TRIO: variants seen among roughly 807,000 people sequenced by gnomAD.
TRIO encodes the protein triple functional domain protein.
A neutral mutation model predicts 351.9 loss-of-function variants in TRIO; 58 were observed. The ratio of observed to expected loss-of-function variants is 0.16; its 90% CI spans 0.13 to 0.21. The LOEUF is 0.21. TRIO is among the 10% of genes least tolerant of loss of function. The probability of loss-of-function intolerance (pLI) is 1.00; values close to 1 mark genes in which losing one functional copy is unlikely to be tolerated. For synonymous variants in TRIO, 1,758 were observed against 1,595.7 expected (o/e 1.10, Z -2.42); for missense variants, 3,201 against 4,027.8 (o/e 0.79, Z 5.56).
chr5:14,363,637 G>T, intron 13 of TRIO, 95 bp from the exon 14 acceptor site: 1 of 1,197,236 alleles, frequency 8.4e-7, no homozygotes, highest in Non-Finnish European at 1.2e-6. Context: ...TCTGTCCTTT[G>T]GCAGAGAGAC....
intron 4 of TRIO, 31 bp from the exon 5 acceptor site, chr5:14,290,685 T>C: frequency 1.3e-6 from 2 of 1,554,364 alleles, no homozygotes; most frequent in Non-Finnish European, 1.7e-6. Context: ...AATTGGTTCA[T>C]CTTCTCATAC....
chr5:14,173,109 G>A (rs1207258029), intron 1 of TRIO, among the ~76,000 whole-genome samples: 1 of 152,004 alleles, frequency 6.6e-6, no homozygotes, highest in Non-Finnish European at 1.5e-5. Flanking sequence ...GTGACGGTTG[G>A]GGTGGTCAGA....
intron 1 of TRIO, among the ~76,000 whole-genome samples, chr5:14,237,303 T>C (rs1352422083): frequency 1.3e-5 from 2 of 152,268 alleles, no homozygotes; most frequent in African/African-American, 2.4e-5. Context: ...TTTCAGACTT[T>C]GGAGCATTTT....
intron 1 of TRIO, 106 bp downstream of exon 1, chr5:14,143,988 T>C: frequency 2.3e-6 from 2 of 864,420 alleles, no homozygotes; most frequent in Non-Finnish European, 2.8e-6. Context: ...TGCCCGCCCG[T>C]CCGTCCGTCG....
chr5:14,416,273 C>T (rs1244740362), intron 33 of TRIO, among the ~76,000 whole-genome samples: 2 of 147,912 alleles, frequency 1.4e-5, no homozygotes, highest in Non-Finnish European at 1.5e-5. Flanking sequence ...ATAGTTATCA[C>T]AAGTCTTTTG....
intron 28 of TRIO, among the ~76,000 whole-genome samples, chr5:14,394,810 C>T (rs1579524744): frequency 6.6e-6 from 1 of 152,110 alleles, no homozygotes; most frequent in South Asian, 2.1e-4. Context: ...GTAAACAAAA[C>T]TTAGAATTTG....
At chr5:14,259,131 G>T (rs1339472172) in intron 1 of TRIO, among the ~76,000 whole-genome samples, 1 of 152,170 alleles carries the variant, frequency 6.6e-6, no homozygotes, top group Non-Finnish European at 1.5e-5. Flanking sequence ...CGCCTCCAGC[G>T]GTCACTTTCG....
At chr5:14,246,247 A>C (rs973132481) in intron 1 of TRIO, among the ~76,000 whole-genome samples, 1 of 152,246 alleles carries the variant, frequency 6.6e-6, no homozygotes, top group Non-Finnish European at 1.5e-5. Context: ...AATTTCTGCT[A>C]CTTCATTTTT....
chr5:14,490,744 T>G (rs189956106), intron 48 of TRIO: 3 of 453,856 alleles, frequency 6.6e-6, no homozygotes, highest in Admixed American at 4.7e-5. Context: ...ATACTAATAG[T>G]TAGGATTGTA....
At chr5:14,198,879 TA>T (rs1202868723) in intron 1 of TRIO, among the ~76,000 whole-genome samples, 9 of 152,182 alleles carry the variant, frequency 5.9e-5, no homozygotes, top group African/African-American at 2.2e-4. Context: ...TCCTTGTAGA[TA>T]GTTCATTTCC....
chr5:14,300,267 G>A (rs1737762731), intron 7 of TRIO, among the ~76,000 whole-genome samples: 1 of 152,196 alleles, frequency 6.6e-6, no homozygotes, highest in Admixed American at 6.5e-5. Context: ...TTTTGCTACA[G>A]CTTAAAATAT....
rs1058312 is a variant in TRIO, at chr5:14,509,857, G to A, written c.*1435G>A. ...ACTGCACTACAAAAGAGACCAGCCCGCTTCCCAAGCCAGCCAGACACCTGG... is the reference window on the plus strand; with the variant it reads ...ACTGCACTACAAAAGAGACCAGCCCACTTCCCAAGCCAGCCAGACACCTGG... On this transcript the variant is annotated 3_prime_UTR_variant, in exon 57 of 57. Transcript: ENST00000344204. 0.29 allele frequency: 44,210 copies of A among 153,610 alleles called. 6,582 individuals carry two copies. The highest frequency in any genetic ancestry group is 0.45 in the Middle Eastern group (137 of 302). The allele number at this position is 153,610 out of a possible 1,614,324, so 9.5% of individuals were successfully genotyped here. A position where few individuals can be genotyped will look rare whatever the true frequency, so the allele number is the denominator to read the frequency against.
chr5:14,508,210 T>C lies in TRIO; in HGVS notation c.9082T>C (p.Cys3028Arg). 2 of 1,614,094 alleles carry C rather than the reference T, an allele frequency of 1.2e-6. No individual in the cohort carries two copies. Among genetic ancestry groups the C allele is most frequent in the Non-Finnish European group, 1.7e-6 (2 of 1,180,026 alleles). Residue 3028 changes from cysteine (C) to arginine (R), a missense_variant, in exon 57 of 57, where the codon TGC becomes CGC. Around this residue, in one of 19 missense-constraint regions of TRIO, gnomAD observed 233 missense variants for 292.6 expected, o/e 0.80. Transcript: ENST00000344204. ...GAGCCAGAAGGCCAAGGAGTTCGTG[T>C]GCTTCCTCCTGCAGGAGGACCCCGC... is the stretch of plus-strand genomic sequence containing the variant. ...GVSQKAKEFV[C>R]FLLQEDPAKR...
At chr5:14,149,904 G>C (rs547954671) in intron 1 of TRIO, among the ~76,000 whole-genome samples, 3 of 152,236 alleles carry the variant, frequency 2.0e-5, no homozygotes, top group Non-Finnish European at 4.4e-5. Context: ...TGGTGTCCAC[G>C]TGAGTTGATC....
At position 14,154,333 on chromosome 5, in the gene TRIO, G is replaced by A. The variant is rs10475010; in HGVS notation, c.157+10451G>A. On this transcript the variant is annotated intron_variant, in intron 1 of 56. Transcript: ENST00000344204. ...TTCCTTTCTAACTTAGGAAAGGAACGGGGCCGGGGAGTGAGAGGGGCAGGA... is the reference window on the plus strand; with the variant it reads ...TTCCTTTCTAACTTAGGAAAGGAACAGGGCCGGGGAGTGAGAGGGGCAGGA... 8.1e-4 allele frequency among the ~76,000 whole-genome samples: 123 copies of A among 152,270 alleles called. 2 individuals are homozygous for A. The highest frequency in any genetic ancestry group is 2.6e-3 in the African/African-American group (107 of 41,544).
At chr5:14,213,598 A>G (rs2152197691) in intron 1 of TRIO, among the ~76,000 whole-genome samples, 1 of 152,306 alleles carries the variant, frequency 6.6e-6, no homozygotes, top group South Asian at 2.1e-4. Flanking sequence ...ATTTCTATAA[A>G]GGCTAAATTG....
In TRIO at chr5:14,508,681, AAAAT is replaced by A; in HGVS notation, c.*263_*266del. ...AGTATTTTATTCAGGTTTCTGCAAA[AAAAT>A]AAAAAGATAACTTTTTTAAACAAAC... On this transcript the variant is annotated 3_prime_UTR_variant, in exon 57 of 57. Coordinates refer to ENST00000344204, the MANE Select transcript of TRIO (RefSeq NM_007118.4). The A allele has an allele frequency of 5.1e-6, 2 of 394,702 alleles. No homozygotes were observed. Among genetic ancestry groups the A allele is most frequent in the Non-Finnish European group, 9.0e-6 (2 of 223,352 alleles). 24.4% of individuals were successfully genotyped at this position (394,702 alleles called of 1,614,324 possible). A position where few individuals can be genotyped will look rare whatever the true frequency, so the allele number is the denominator to read the frequency against.
intron 46 of TRIO, among the ~76,000 whole-genome samples, 172 bp from the exon 47 acceptor site, chr5:14,484,897 G>A (rs913384167): frequency 4.1e-4 from 62 of 152,104 alleles, no homozygotes; most frequent in Admixed American, 3.1e-3. Context: ...TTAACATAAC[G>A]TCTTCAAGGT....
Position 14,378,101 on chromosome 5 carries a change from G to C in TRIO, c.3421G>C (p.Val1141Leu). Reference protein sequence around the residue: ...KRRLDQCQQYVVFERSAKQAL... With the variant: ...KRRLDQCQQYLVFERSAKQAL... ...ACGGCTGGACCAGTGTCAGCAGTAC[G>C]TGGTCTTTGAGAGGAGTGCCAAGCA... Residue 1141 changes from valine (V) to leucine (L), a missense_variant, in exon 20 of 57, where the codon GTG becomes CTG. Physicochemically the swap from Val to Leu is conservative, Grantham distance 32. Transcript: ENST00000344204. 6.2e-7 allele frequency: 1 copy of C among 1,612,544 alleles called. No homozygotes were observed. Among genetic ancestry groups the C allele is most frequent in the Non-Finnish European group, 8.5e-7 (1 of 1,179,460 alleles).
Sources: gnomAD v4.1 joint callset for allele counts (sites outside exome capture counted in the v4.1 genomes callset) on GRCh38, gnomAD v4.1.1 for gene constraint, gnomAD v4.1.1 regional missense constraint, MANE v1.5 for transcripts, NCBI Gene and HGNC (gene_info 2026-07-23, HGNC 2026-07-21) for gene names.